CEP112: variants seen among roughly 807,000 people sequenced by gnomAD.
CEP112 encodes centrosomal protein of 112 kDa.
CEP112 carries 127 observed loss-of-function variants against 153.0 expected under a neutral mutation model. The ratio of observed to expected loss-of-function variants is 0.83; its 90% CI spans 0.72 to 0.96. The LOEUF is 0.96. Ranked by LOEUF, CEP112 falls within the 40% of genes least tolerant of loss-of-function variation. The pLI, the probability that CEP112 is intolerant of heterozygous loss-of-function variation, is 0.00. For synonymous variants in CEP112, 358 were observed against 374.4 expected (o/e 0.96, Z 0.51); for missense variants, 1,089 against 1,101.2 (o/e 0.99, Z 0.16).
chr17:65,969,487 A>G (rs1252451112), intron 17 of CEP112, among the ~76,000 whole-genome samples: 1 of 152,190 alleles, frequency 6.6e-6, no homozygotes, highest in African/African-American at 2.4e-5. Context: ...CATGCATATT[A>G]CACACAGGTA....
rs112116688 is a variant in CEP112, at chr17:65,643,264, C to A, written c.2698-2199G>T. 1.1e-4 allele frequency among the ~76,000 whole-genome samples: 16 copies of A among 152,028 alleles called. 1 individual carries two copies. Among genetic ancestry groups the A allele is most frequent in the African/African-American group, 3.9e-4 (16 of 41,486 alleles). On this transcript the variant is annotated intron_variant, in intron 24 of 26. Transcript: ENST00000535342. ...TAGGCATTGCTCAAGTACTGCTGCA[C>A]GCCCTGGAAGGCCTCAGGGATGGTG...
intron 4 of CEP112, among the ~76,000 whole-genome samples, chr17:66,145,265 C>T (rs188644157): frequency 6.8e-4 from 104 of 152,128 alleles, no homozygotes; most frequent in African/African-American, 2.4e-3. Context: ...TGTAAGAATC[C>T]TTTATGTATT....
chr17:65,985,082 A>G (rs1158600267), intron 17 of CEP112, among the ~76,000 whole-genome samples: 2 of 152,156 alleles, frequency 1.3e-5, no homozygotes, highest in Admixed American at 1.3e-4. Flanking sequence ...AATGAGTAAA[A>G]TAACTCCTTA....
At chr17:65,976,240 G>A (rs1221990057) in intron 17 of CEP112, among the ~76,000 whole-genome samples, 1 of 152,194 alleles carries the variant, frequency 6.6e-6, no homozygotes, top group African/African-American at 2.4e-5. Context: ...AATGAGAAAG[G>A]ATTCCCAACC....
chr17:65,966,567 A>G (rs1183444078), intron 17 of CEP112, among the ~76,000 whole-genome samples: 1 of 152,232 alleles, frequency 6.6e-6, no homozygotes, highest in Non-Finnish European at 1.5e-5. Flanking sequence ...AACAGCTAGA[A>G]GAGTCCCCAT....
intron 8 of CEP112, among the ~76,000 whole-genome samples, chr17:66,095,907 T>C (rs747001395): frequency 7.2e-5 from 11 of 151,776 alleles, no homozygotes; most frequent in African/African-American, 1.9e-4. Flanking sequence ...AGATCCCATC[T>C]CTACCAAAAA....
intron 21 of CEP112, among the ~76,000 whole-genome samples, chr17:65,800,199 G>T (rs1006742269): frequency 6.6e-6 from 1 of 151,656 alleles, no homozygotes; most frequent in Non-Finnish European, 1.5e-5. Flanking sequence ...TCTTAAAGTT[G>T]TACAACCATC....
chr17:66,047,337 G>T lies in CEP112; in HGVS notation c.1218+6399C>A, dbSNP rs530800801. Among the ~76,000 whole-genome samples the T allele has an allele frequency of 2.6e-5, 4 of 152,188 alleles. No individual in the cohort carries two copies. The South Asian group carries it at 6.2e-4, about 24-fold the overall frequency. ...TCACCATGTTGGCCAGGCTGGTCTC[G>T]AACTCCTGACCTCAAGTGATCCGCC... On this transcript the variant is annotated intron_variant, in intron 12 of 26. Transcript: ENST00000535342.
At position 65,743,091 on chromosome 17, in the gene CEP112, T is replaced by C. The variant is rs759473430; in HGVS notation, c.2584A>G (p.Arg862Gly). 4.3e-6 allele frequency: 7 copies of C among 1,611,188 alleles called. No homozygotes were observed. The South Asian group carries it at 6.6e-5, about 15-fold the overall frequency. ...ACCTTGATTGCTTGGTCATTATCTC[T>C]AATCAGCTGCTTCTTCTCATCTTCA... ...KFEDEKKQLIRDNDQAIKVLQ... is the reference protein window; with the variant it reads ...KFEDEKKQLIGDNDQAIKVLQ... The change falls in exon 23 of 27, where the codon AGA becomes GGA. Residue 862 changes from arginine (R) to glycine (G), a missense_variant. Arg to Gly is a moderately radical substitution (Grantham distance 125). Transcript: ENST00000535342.
chr17:65,901,291 T>C (rs899224615), intron 20 of CEP112, among the ~76,000 whole-genome samples: 1 of 152,202 alleles, frequency 6.6e-6, no homozygotes, highest in Admixed American at 6.5e-5. Flanking sequence ...GTATACAATA[T>C]GTTTTTATTA....
At chr17:65,975,617 C>G (rs1393462378) in intron 17 of CEP112, among the ~76,000 whole-genome samples, 1 of 152,124 alleles carries the variant, frequency 6.6e-6, no homozygotes, top group East Asian at 1.9e-4. Flanking sequence ...AAATCATGAA[C>G]TATACTGGAA....
At chr17:65,803,936 T>A (rs1252407003) in intron 21 of CEP112, among the ~76,000 whole-genome samples, 1 of 152,180 alleles carries the variant, frequency 6.6e-6, no homozygotes, top group Non-Finnish European at 1.5e-5. Context: ...ATTCAATATA[T>A]CCTAGATGTA....
chr17:65,846,749 T>G (rs978634130), intron 21 of CEP112, among the ~76,000 whole-genome samples: 1 of 152,166 alleles, frequency 6.6e-6, no homozygotes, highest in African/African-American at 2.4e-5. Context: ...TTTGTATTTT[T>G]TAGTAGAGAC....
intron 24 of CEP112, among the ~76,000 whole-genome samples, chr17:65,685,361 A>AGC (rs1266827237): frequency 6.6e-6 from 1 of 152,262 alleles, no homozygotes; most frequent in Non-Finnish European, 1.5e-5. Context: ...TTTTAAAGCA[A>AGC]GCAAGTTAAA....
At chr17:65,670,897 G>A (rs1321762371) in intron 24 of CEP112, among the ~76,000 whole-genome samples, 4 of 148,738 alleles carry the variant, frequency 2.7e-5, no homozygotes, top group Non-Finnish European at 6.0e-5. Context: ...GGTAGTGGGC[G>A]GGGGGGGCGG....
chr17:65,669,480 C>G (rs2046858075), intron 24 of CEP112, among the ~76,000 whole-genome samples: 1 of 152,046 alleles, frequency 6.6e-6, no homozygotes, highest in Non-Finnish European at 1.5e-5. Flanking sequence ...TAGATGATAT[C>G]ATTGAGGGAG....
At chr17:65,789,668 T>G (rs1260223215) in intron 21 of CEP112, among the ~76,000 whole-genome samples, 3 of 143,262 alleles carry the variant, frequency 2.1e-5, no homozygotes, top group Non-Finnish European at 4.6e-5. Context: ...GGTAGGATCT[T>G]AATCATCTTG....
intron 24 of CEP112, among the ~76,000 whole-genome samples, chr17:65,643,783 C>A (rs2045281914): frequency 6.6e-6 from 1 of 152,208 alleles, no homozygotes; most frequent in African/African-American, 2.4e-5. Flanking sequence ...ACCTTCAGGG[C>A]TTTCAGGAGT....
At chr17:66,044,652 C>T (rs2066124733) in intron 12 of CEP112, among the ~76,000 whole-genome samples, 1 of 152,116 alleles carries the variant, frequency 6.6e-6, no homozygotes, top group South Asian at 2.1e-4. Flanking sequence ...ACATGAGTTT[C>T]CTAGAATGGT....
Sources: gnomAD v4.1 joint callset for allele counts (sites outside exome capture counted in the v4.1 genomes callset) on GRCh38, gnomAD v4.1.1 for gene constraint, MANE v1.5 for transcripts, NCBI Gene and HGNC (gene_info 2026-07-23, HGNC 2026-07-21) for gene names.